Variants in DLC1 observed in about 807,000 individuals in gnomAD.
DLC1 encodes rho GTPase-activating protein 7.
A neutral mutation model predicts 140.3 loss-of-function variants in DLC1; 54 were observed. The ratio of observed to expected loss-of-function variants is 0.38; its 90% CI spans 0.31 to 0.48. The LOEUF (loss-of-function observed/expected upper bound fraction) is 0.48. DLC1 is among the 20% of genes least tolerant of loss of function. DLC1 has a pLI of 0.96. For synonymous variants in DLC1, 986 were observed against 728.1 expected, an observed-to-expected ratio of 1.35 and a Z score of -5.70; for missense variants, 2,536 against 1,907.0, an observed-to-expected ratio of 1.33 and a Z score of -6.14.
intron 5 of DLC1, among the ~76,000 whole-genome samples, chr8:13,123,699 A>C (rs1379449355): frequency 6.6e-6 from 1 of 151,984 alleles, no homozygotes; most frequent in Non-Finnish European, 1.5e-5. Flanking sequence ...CACAAAACTT[A>C]TTATGTTTAC....
chr8:13,304,951 C>T, intron 5 of DLC1: 1 of 1,024,388 alleles, frequency 9.8e-7, no homozygotes, highest in Non-Finnish European at 1.2e-6. Flanking sequence ...TTATTAATAA[C>T]TAATTTCCAA....
At chr8:13,448,041 A>C (rs1798864262) in intron 2 of DLC1, among the ~76,000 whole-genome samples, 1 of 152,226 alleles carries the variant, frequency 6.6e-6, no homozygotes, top group Non-Finnish European at 1.5e-5. Flanking sequence ...AGCATGGATA[A>C]CTAAATGTTA....
intron 1 of DLC1, among the ~76,000 whole-genome samples, chr8:13,591,423 C>T (rs1805511927): frequency 6.6e-6 from 1 of 152,054 alleles, no homozygotes; most frequent in Non-Finnish European, 1.5e-5. Context: ...GGCATTTCCC[C>T]TGCTGGCACG....
At chr8:13,421,717 C>G (rs1306753833) in intron 2 of DLC1, among the ~76,000 whole-genome samples, 2 of 152,118 alleles carry the variant, frequency 1.3e-5, no homozygotes, top group East Asian at 3.9e-4. Context: ...ATTGAGGTTA[C>G]TCATCCTCCA....
rs779991511 is a variant in DLC1, at chr8:13,084,924, T to C, written c.*887A>G. 1 of 152,256 alleles carries C rather than the reference T, an allele frequency of 6.6e-6. No homozygotes were observed. Among genetic ancestry groups the C allele is most frequent in the Non-Finnish European group, 1.5e-5 (1 of 68,072 alleles). The allele number at this position is 152,256 out of a possible 1,614,324, so 9.4% of individuals were successfully genotyped here. On this transcript the variant is annotated 3_prime_UTR_variant, in exon 18 of 18. Transcript: ENST00000276297. ...GATTTAAGAGTAAGTGTTATCGTGT[T>C]CAGTTTTTATATCTCGACTTAAACA...
intron 5 of DLC1, among the ~76,000 whole-genome samples, chr8:13,241,934 C>T (rs1016431895): frequency 3.9e-5 from 6 of 151,936 alleles, no homozygotes; most frequent in African/African-American, 1.2e-4. Flanking sequence ...ATTTGGCTCA[C>T]GTTCAGAGCT....
chr8:13,363,556 T>A (rs546866365), intron 4 of DLC1, among the ~76,000 whole-genome samples: 42 of 152,146 alleles, frequency 2.8e-4, no homozygotes, highest in African/African-American at 9.9e-4. Flanking sequence ...ACAGAAGGCA[T>A]GAGAGAGGTG....
chr8:13,178,354 A>G (rs907646483), intron 5 of DLC1, among the ~76,000 whole-genome samples: 1 of 152,068 alleles, frequency 6.6e-6, no homozygotes, highest in Non-Finnish European at 1.5e-5. Context: ...CGAGGTCAGG[A>G]GATCAAGACC....
At chr8:13,117,761 C>T (rs1820688527) in intron 5 of DLC1, among the ~76,000 whole-genome samples, 1 of 152,178 alleles carries the variant, frequency 6.6e-6, no homozygotes, top group Non-Finnish European at 1.5e-5. Context: ...TCAGACACGG[C>T]AGTAGGTGAG....
intron 1 of DLC1, among the ~76,000 whole-genome samples, chr8:13,544,395 T>A (rs1231535060): frequency 6.6e-6 from 1 of 152,194 alleles, no homozygotes; most frequent in East Asian, 1.9e-4. Flanking sequence ...ACATACATAG[T>A]GTAATTGTTT....
intron 4 of DLC1, among the ~76,000 whole-genome samples, chr8:13,310,817 T>C (rs1379861581): frequency 6.6e-6 from 1 of 152,196 alleles, no homozygotes; most frequent in Non-Finnish European, 1.5e-5. Flanking sequence ...GTCATCATTC[T>C]TTCATTAAAA....
chr8:13,266,214 A>T (rs1186695324), intron 5 of DLC1, among the ~76,000 whole-genome samples: 1 of 152,232 alleles, frequency 6.6e-6, no homozygotes, highest in Non-Finnish European at 1.5e-5. Flanking sequence ...TGATATTCTA[A>T]TTATAAAATT....
chr8:13,190,487 C>A (rs1375781061), intron 5 of DLC1, among the ~76,000 whole-genome samples: 1 of 152,088 alleles, frequency 6.6e-6, no homozygotes, highest in Non-Finnish European at 1.5e-5. Flanking sequence ...GAATTACATT[C>A]CCCTTATAGG....
intron 1 of DLC1, chr8:13,558,937 A>G (rs1318413347): frequency 6.6e-6 from 1 of 152,236 alleles, no homozygotes; most frequent in Non-Finnish European, 1.5e-5. Context: ...TGCTGCATTG[A>G]AAAGGCAGAC....
At chr8:13,324,699 T>C (rs943283759) in intron 4 of DLC1, among the ~76,000 whole-genome samples, 7 of 152,342 alleles carry the variant, frequency 4.6e-5, no homozygotes, top group Non-Finnish European at 8.8e-5. Flanking sequence ...CATGTACTTT[T>C]ACTTATGAAA....
At chr8:13,181,706 T>C (rs1406987159) in intron 5 of DLC1, among the ~76,000 whole-genome samples, 3 of 151,986 alleles carry the variant, frequency 2.0e-5, no homozygotes, top group African/African-American at 7.3e-5. Flanking sequence ...ATGGTATATA[T>C]GTGCCACATT....
chr8:13,257,787 C>T (rs1053751043), intron 5 of DLC1, among the ~76,000 whole-genome samples: 4 of 151,700 alleles, frequency 2.6e-5, no homozygotes, highest in African/African-American at 9.7e-5. Flanking sequence ...GTAGAATGTT[C>T]TAATCCTAAC....
intron 5 of DLC1, among the ~76,000 whole-genome samples, chr8:13,212,962 T>C (rs1227267025): frequency 1.3e-5 from 2 of 152,254 alleles, no homozygotes; most frequent in Non-Finnish European, 2.9e-5. Context: ...TGTATCACTT[T>C]CTATTTGCTA....
intron 1 of DLC1, among the ~76,000 whole-genome samples, chr8:13,511,810 A>C (rs1398102892): frequency 6.6e-6 from 1 of 152,176 alleles, no homozygotes; most frequent in African/African-American, 2.4e-5. Flanking sequence ...ATAGTTTTTA[A>C]AGAGTGATTC....
Sources: gnomAD v4.1 joint callset for allele counts (sites outside exome capture counted in the v4.1 genomes callset) on GRCh38, gnomAD v4.1.1 for gene constraint, MANE v1.5 for transcripts, NCBI Gene and HGNC (gene_info 2026-07-23, HGNC 2026-07-21) for gene names.